NREP: variants seen among roughly 807,000 people sequenced by gnomAD.
NREP encodes the protein neuronal regeneration-related protein.
A neutral mutation model predicts 8.6 loss-of-function variants in NREP; 5 were observed. That is an observed-to-expected ratio of 0.58 (90% CI 0.30 to 1.22). The LOEUF (loss-of-function observed/expected upper bound fraction) is 1.22, where lower values mean the gene tolerates loss of function less well. Ranked by LOEUF, NREP falls within the 50% of genes most tolerant of loss-of-function variation. The pLI, the probability that NREP is intolerant of heterozygous loss-of-function variation, is 0.07. For missense variants in NREP, 86 were observed against 82.5 expected, an observed-to-expected ratio of 1.04 and a Z score of -0.17; for synonymous variants, 27 against 28.0, an observed-to-expected ratio of 0.96 and a Z score of 0.11.
intron 2 of NREP, among the ~76,000 whole-genome samples, chr5:111,952,802 T>C (rs557004803): frequency 6.6e-5 from 10 of 152,258 alleles, no homozygotes; most frequent in South Asian, 2.1e-4. Flanking sequence ...GATGTTACCA[T>C]TGGGGAAAGT....
intron 2 of NREP, among the ~76,000 whole-genome samples, chr5:111,969,143 T>TCTC (rs1474783163): frequency 4.6e-5 from 7 of 152,200 alleles, no homozygotes; most frequent in African/African-American, 1.4e-4. Flanking sequence ...ATTGCCAGCC[T>TCTC]AAAAATGTTT....
At chr5:111,932,267 T>C (rs1201054473) in intron 2 of NREP, among the ~76,000 whole-genome samples, 1 of 152,064 alleles carries the variant, frequency 6.6e-6, no homozygotes, top group African/African-American at 2.4e-5. Context: ...GGGGCATAAA[T>C]GTTGTACCAA....
chr5:111,799,303 G>A (rs1209202957), intron 2 of NREP, among the ~76,000 whole-genome samples: 1 of 152,126 alleles, frequency 6.6e-6, no homozygotes, highest in East Asian at 1.9e-4. Context: ...GTTCTGTGAA[G>A]AATGATGGTG....
chr5:111,799,253 T>A (rs999699437), intron 2 of NREP, among the ~76,000 whole-genome samples: 2 of 152,196 alleles, frequency 1.3e-5, no homozygotes, highest in Non-Finnish European at 2.9e-5. Flanking sequence ...CTATGCAGGC[T>A]CTTTTTTGGT....
At chr5:111,859,535 A>G (rs1254375927) in intron 2 of NREP, among the ~76,000 whole-genome samples, 2 of 152,154 alleles carry the variant, frequency 1.3e-5, no homozygotes, top group Non-Finnish European at 2.9e-5. Context: ...GAAGCTTGTT[A>G]GAGGCCATGA....
chr5:111,975,378 T>C, exon 2 of NREP: 1 of 1,550,960 alleles, frequency 6.4e-7, no homozygotes, highest in Non-Finnish European at 8.7e-7. Context: ...TCTCTTCGGC[T>C]CTGCAGACAA....
At chr5:111,903,690 G>C (rs1419294904) in intron 2 of NREP, among the ~76,000 whole-genome samples, 1 of 151,856 alleles carries the variant, frequency 6.6e-6, no homozygotes, top group Non-Finnish European at 1.5e-5. Flanking sequence ...TGTTTCTTAT[G>C]GGAAAAAACA....
At chr5:111,781,715 C>T (rs961869895) in intron 2 of NREP, among the ~76,000 whole-genome samples, 2 of 152,150 alleles carry the variant, frequency 1.3e-5, no homozygotes, top group African/African-American at 4.8e-5. Flanking sequence ...CTATTTAAAG[C>T]TTAAAGACTT....
chr5:111,875,775 G>A (rs976872706), intron 2 of NREP, among the ~76,000 whole-genome samples: 1 of 152,052 alleles, frequency 6.6e-6, no homozygotes, highest in African/African-American at 2.4e-5. Context: ...TTGTTGTCTG[G>A]GTGACAACTG....
intron 2 of NREP, among the ~76,000 whole-genome samples, chr5:111,807,215 T>G (rs1752163584): frequency 6.6e-6 from 1 of 152,216 alleles, no homozygotes; most frequent in South Asian, 2.1e-4. Context: ...TGACTCATTG[T>G]TAAACTGGAA....
intron 2 of NREP, among the ~76,000 whole-genome samples, chr5:111,945,213 T>C (rs1210285172): frequency 4.6e-5 from 7 of 152,208 alleles, no homozygotes; most frequent in South Asian, 2.1e-4. Flanking sequence ...AATGATAAAG[T>C]CTAATGCTTT....
rs1271960015 is a variant in NREP, at chr5:111,878,659, C to T, written c.135+96615G>A. Among the ~76,000 whole-genome samples, 6 of 152,212 alleles carry T rather than the reference C, an allele frequency of 3.9e-5. No individual in the cohort carries two copies. In the South Asian group the frequency reaches 6.2e-4, roughly 16 times the overall value. On this transcript the variant is annotated intron_variant, in intron 2 of 3. Coordinates refer to the NREP transcript ENST00000395634. ...ATTTGTTTGCCGTTGTCTTAAAGGCCTTAGAAAAGGCACTGTTCAGAAGAC... is the reference window on the plus strand; with the variant it reads ...ATTTGTTTGCCGTTGTCTTAAAGGCTTTAGAAAAGGCACTGTTCAGAAGAC...
chr5:111,968,057 C>T (rs558636134), intron 2 of NREP, among the ~76,000 whole-genome samples: 89 of 152,030 alleles, frequency 5.9e-4, no homozygotes, highest in African/African-American at 2.0e-3. Flanking sequence ...AAACTATTTT[C>T]AACATTAAAG....
In NREP at chr5:111,796,463, C is replaced by G. The variant is rs185661270; in HGVS notation, c.136-60956G>C. 1.3e-3 allele frequency among the ~76,000 whole-genome samples: 193 copies of G among 152,220 alleles called. 1 individual carries two copies. Among genetic ancestry groups the G allele is most frequent in the African/African-American group, 4.6e-3 (191 of 41,532 alleles). The stretch of plus-strand genomic sequence containing the variant: ...GGGATCATTATTCTACCTATCACAA[C>G]CACTATATTAATTGGCATCCCAAAG... On this transcript the variant is annotated intron_variant, in intron 2 of 3. Transcript: ENST00000395634.
intron 2 of NREP, among the ~76,000 whole-genome samples, chr5:111,771,140 G>T (rs2112873024): frequency 6.6e-6 from 1 of 152,214 alleles, no homozygotes; most frequent in Non-Finnish European, 1.5e-5. Flanking sequence ...ATAATAAAAT[G>T]ATGCAGAATG....
intron 2 of NREP, among the ~76,000 whole-genome samples, chr5:111,931,490 C>T (rs1755535886): frequency 1.3e-5 from 2 of 152,144 alleles, no homozygotes; most frequent in South Asian, 4.1e-4. Context: ...GCCGACCTTC[C>T]AGCCTAAGTC....
At chr5:111,874,080 T>A (rs1251560699) in intron 2 of NREP, among the ~76,000 whole-genome samples, 1 of 152,134 alleles carries the variant, frequency 6.6e-6, no homozygotes, top group South Asian at 2.1e-4. Context: ...ATAGGGAGAT[T>A]GGACACATAA....
At chr5:111,769,758 T>C (rs1051706604) in intron 2 of NREP, among the ~76,000 whole-genome samples, 4 of 152,086 alleles carry the variant, frequency 2.6e-5, no homozygotes, top group African/African-American at 9.7e-5. Flanking sequence ...AAGGGGGAAG[T>C]GCTACACACT....
At chr5:111,789,124 C>CGTATATACACATATGTGTGTGTTCAT (rs1751680731) in intron 2 of NREP, among the ~76,000 whole-genome samples, 2 of 152,024 alleles carry the variant, frequency 1.3e-5, no homozygotes, top group Non-Finnish European at 2.9e-5. Flanking sequence ...TATATAAATA[C>CGTATATACACATATGTGTGTGTTCAT]GTATATACAC....
Sources: gnomAD v4.1 joint callset for allele counts (sites outside exome capture counted in the v4.1 genomes callset) on GRCh38, gnomAD v4.1.1 for gene constraint, MANE v1.5 for transcripts, NCBI Gene and HGNC (gene_info 2026-07-23, HGNC 2026-07-21) for gene names.